Variants in CDH8 observed in about 807,000 individuals in gnomAD.
CDH8 encodes the protein cadherin-8.
Under a neutral mutation model 68.1 loss-of-function variants are expected in CDH8, and 17 were observed. That is an observed-to-expected ratio of 0.25 (90% CI 0.17 to 0.37). The LOEUF is 0.37. Among genes scored for constraint, CDH8 ranks in the 10% least tolerant of loss-of-function variants. The probability of loss-of-function intolerance (pLI) is 1.00; values close to 1 mark genes in which losing one functional copy is unlikely to be tolerated. For synonymous variants in CDH8, 372 were observed against 365.1 expected (o/e 1.02, Z -0.21); for missense variants, 763 against 999.3 (o/e 0.76, Z 3.19).
intron 2 of CDH8, among the ~76,000 whole-genome samples, chr16:61,979,943 T>C (rs1177222067): frequency 6.6e-6 from 1 of 152,176 alleles, no homozygotes; most frequent in African/African-American, 2.4e-5. Context: ...TCATCTTTTC[T>C]TAAGTACTAC....
intron 4 of CDH8, among the ~76,000 whole-genome samples, chr16:61,832,942 C>G (rs962988871): frequency 2.0e-5 from 3 of 151,606 alleles, no homozygotes; most frequent in South Asian, 2.1e-4. Context: ...ATTGTCCCCC[C>G]CTTTTTTCAT....
At chr16:61,709,730 G>A (rs377487394) in intron 10 of CDH8, among the ~76,000 whole-genome samples, 29 of 141,690 alleles carry the variant, frequency 2.0e-4, no homozygotes, top group African/African-American at 6.8e-4. Context: ...GCTATAGAAA[G>A]GTTAAAAAAA....
intron 2 of CDH8, among the ~76,000 whole-genome samples, chr16:61,926,074 G>C (rs952777235): frequency 1.3e-5 from 2 of 151,888 alleles, no homozygotes; most frequent in Non-Finnish European, 2.9e-5. Context: ...GAGATTCAGA[G>C]TAGATAAGTA....
intron 2 of CDH8, 27 bp from the exon 3 acceptor site, chr16:61,901,500 T>C: frequency 6.4e-7 from 1 of 1,558,198 alleles, no homozygotes; most frequent in Non-Finnish European, 8.7e-7. Flanking sequence ...CATTAGTTAG[T>C]GATGGAGCAA....
chr16:61,790,344 G>A lies in CDH8; in HGVS notation c.1278-862C>T, dbSNP rs566501807. Among the ~76,000 whole-genome samples, 16 of 152,036 alleles carry A rather than the reference G, an allele frequency of 1.1e-4. No homozygotes were observed. The East Asian group carries it at 2.7e-3, about 26-fold the overall frequency. On this transcript the variant is annotated intron_variant, in intron 7 of 11. Transcript: ENST00000577390. ...TATTAATATCTTTTTTATACACCAA[G>A]ATTCATTTCCTGGCTATGGAATGCT...
intron 2 of CDH8, among the ~76,000 whole-genome samples, chr16:61,978,977 T>TC (rs1965487116): frequency 6.6e-6 from 1 of 151,638 alleles, no homozygotes; most frequent in Non-Finnish European, 1.5e-5. Context: ...AATGAGCCAT[T>TC]TTTTTTCCCA....
chr16:61,988,137 A>G (rs1965658437), intron 2 of CDH8, among the ~76,000 whole-genome samples: 1 of 152,184 alleles, frequency 6.6e-6, no homozygotes, highest in Non-Finnish European at 1.5e-5. Flanking sequence ...CTTCTAGAGA[A>G]GAGCTGCACT....
chr16:61,655,766 A>C (rs1555500186), intron 10 of CDH8, 45 bp from the exon 11 acceptor site: 1 of 1,561,714 alleles, frequency 6.4e-7, no homozygotes, highest in East Asian at 2.3e-5. Flanking sequence ...TTTCAAAATG[A>C]CTCTCCAAAT....
chr16:61,961,180 A>T (rs1302574508), intron 2 of CDH8, among the ~76,000 whole-genome samples: 1 of 151,946 alleles, frequency 6.6e-6, no homozygotes, highest in Admixed American at 6.6e-5. Context: ...CCAGGTGTGG[A>T]GGCACGCACA....
At chr16:61,949,940 A>C (rs2143578377) in intron 2 of CDH8, among the ~76,000 whole-genome samples, 1 of 151,658 alleles carries the variant, frequency 6.6e-6, no homozygotes, top group East Asian at 2.0e-4. Flanking sequence ...ATGAGCCATG[A>C]TCCTGCCACT....
chr16:62,036,170 C>G lies in CDH8; in HGVS notation c.-290G>C, dbSNP rs1260873755. On this transcript the variant is annotated 5_prime_UTR_variant, in exon 1 of 12. Coordinates refer to ENST00000577390, the MANE Select transcript of CDH8 (RefSeq NM_001796.5). ...GGTTAGCTCCCGAGGGCGGCAAGCG[C>G]CGACCGGTCCTCGCTCGCTAGGCAG... is the stretch of plus-strand genomic sequence containing the variant. 6.6e-6 allele frequency: 1 copy of G among 152,280 alleles called. No homozygotes were observed. Among genetic ancestry groups the G allele is most frequent in the Non-Finnish European group, 1.5e-5 (1 of 68,116 alleles). The allele number at this position is 152,280 out of a possible 1,614,324, so 9.4% of individuals were successfully genotyped here. A position where few individuals can be genotyped will look rare whatever the true frequency, so the allele number is the denominator to read the frequency against.
At chr16:62,006,720 C>A (rs2150600819) in intron 2 of CDH8, among the ~76,000 whole-genome samples, 1 of 152,210 alleles carries the variant, frequency 6.6e-6, no homozygotes, top group Non-Finnish European at 1.5e-5. Flanking sequence ...TTATAAAATG[C>A]ATTTGCTCAA....
intron 2 of CDH8, among the ~76,000 whole-genome samples, chr16:61,925,653 C>T (rs1212650507): frequency 2.0e-5 from 3 of 152,182 alleles, no homozygotes; most frequent in African/African-American, 7.2e-5. Flanking sequence ...CATTTCAAAG[C>T]ATCAAGCAAC....
chr16:61,674,314 C>T (rs988098079), intron 10 of CDH8, among the ~76,000 whole-genome samples: 12 of 151,776 alleles, frequency 7.9e-5, no homozygotes, highest in Non-Finnish European at 1.3e-4. Context: ...ATTATTTGGG[C>T]GTGGTGGTGA....
intron 2 of CDH8, among the ~76,000 whole-genome samples, chr16:61,990,456 T>G (rs1965696254): frequency 6.6e-6 from 1 of 151,640 alleles, no homozygotes; most frequent in Non-Finnish European, 1.5e-5. Context: ...CCTCCCAAAG[T>G]GCGTGTATTT....
At chr16:62,017,743 G>A (rs777643489) in intron 2 of CDH8, among the ~76,000 whole-genome samples, 2 of 151,992 alleles carry the variant, frequency 1.3e-5, no homozygotes, top group Non-Finnish European at 2.9e-5. Context: ...GGCTTTTGTT[G>A]CTTCTGACCG....
chr16:61,761,782 C>T (rs1435781517), intron 8 of CDH8, among the ~76,000 whole-genome samples: 1 of 152,038 alleles, frequency 6.6e-6, no homozygotes, highest in Non-Finnish European at 1.5e-5. Context: ...GTGGGTGGAT[C>T]ACCTAAGTTC....
chr16:62,017,538 C>T (rs1345999928), intron 2 of CDH8, among the ~76,000 whole-genome samples: 2 of 152,000 alleles, frequency 1.3e-5, no homozygotes, highest in Non-Finnish European at 2.9e-5. Flanking sequence ...ACAAAAATAG[C>T]CAAGCATGGT....
At chr16:61,966,507 C>T (rs942081149) in intron 2 of CDH8, among the ~76,000 whole-genome samples, 3 of 151,716 alleles carry the variant, frequency 2.0e-5, no homozygotes, top group Non-Finnish European at 4.4e-5. Flanking sequence ...CACTGCCCTC[C>T]AGCCTGCGGA....
Sources: allele counts gnomAD v4.1 joint callset (sites outside exome capture counted in the v4.1 genomes callset), GRCh38; gene constraint gnomAD v4.1.1; transcripts MANE v1.5; gene names NCBI Gene and HGNC (gene_info 2026-07-23, HGNC 2026-07-21).